The following TTF1 variants were observed in gnomAD, a reference collection of about 807,000 sequenced individuals.
TTF1 encodes the protein transcription termination factor 1, also known as transcription termination factor, RNA polymerase I.
In TTF1, 64 loss-of-function variants were observed where a neutral mutation model predicts 80.2. The observed-to-expected ratio is 0.80, with a 90% confidence interval of 0.65 to 0.98. TTF1 has a LOEUF of 0.98. TTF1 is among the 50% of genes least tolerant of loss of function. The pLI is 0.00. For missense variants in TTF1, 1,023 were observed against 1,086.2 expected, an observed-to-expected ratio of 0.94 and a Z score of 0.82; for synonymous variants, 372 against 382.7, an observed-to-expected ratio of 0.97 and a Z score of 0.33.
chr9:132,387,569 G>A (rs1849491479), intron 8 of TTF1, among the ~76,000 whole-genome samples: 1 of 152,204 alleles, frequency 6.6e-6, no homozygotes, highest in Admixed American at 6.5e-5. Flanking sequence ...CGGACAGCAA[G>A]GCCAGAACCC....
chr9:132,391,759 C>T (rs745856341), intron 6 of TTF1, among the ~76,000 whole-genome samples: 6 of 152,206 alleles, frequency 3.9e-5, no homozygotes, highest in Non-Finnish European at 7.3e-5. Context: ...CAACGTGTCC[C>T]GTGCCACTGC....
chr9:132,395,011 G>A (rs933003228), intron 5 of TTF1, among the ~76,000 whole-genome samples: 2 of 151,908 alleles, frequency 1.3e-5, no homozygotes, highest in African/African-American at 4.8e-5. Flanking sequence ...GACCAATATG[G>A]TGAAACCCCG....
chr9:132,403,425 C>G (rs1437468653), intron 1 of TTF1, among the ~76,000 whole-genome samples: 1 of 152,068 alleles, frequency 6.6e-6, no homozygotes, highest in Non-Finnish European at 1.5e-5. Flanking sequence ...GCGTTTAAGC[C>G]AAAAGCAGCT....
intron 10 of TTF1, among the ~76,000 whole-genome samples, chr9:132,378,072 GGT>G (rs745453397): frequency 1.0e-3 from 91 of 91,006 alleles, no homozygotes; most frequent in Non-Finnish European, 1.6e-3. Context: ...GAGTGCATGT[GGT>G]GTGTGTGAGT....
intron 10 of TTF1, among the ~76,000 whole-genome samples, chr9:132,377,947 GGT>G (rs1849259333): frequency 8.0e-6 from 1 of 124,664 alleles, no homozygotes; most frequent in African/African-American, 3.1e-5. Flanking sequence ...GAATGCATGT[GGT>G]GTGAGTGCAT....
At chr9:132,377,588 AGTGCATGTGGTGTGTG>A (rs1849233816) in intron 10 of TTF1, among the ~76,000 whole-genome samples, 2 of 19,230 alleles carry the variant, frequency 1.0e-4, no homozygotes, top group South Asian at 4.3e-3. Context: ...GGTGTGTGTG[AGTGCATGTGGTGTGTG>A]TGTGAATGCA....
At chr9:132,382,761 C>CAAAAAAAAAAAAAAA in intron 9 of TTF1, among the ~76,000 whole-genome samples, 1 of 136,938 alleles carries the variant, frequency 7.3e-6, no homozygotes, top group Non-Finnish European at 1.6e-5. Flanking sequence ...ACTAAAAATA[C>CAAAAAAAAAAAAAAA]AAAAAAAAAA....
At chr9:132,398,115 CA>C in intron 4 of TTF1, 25 bp downstream of exon 4, 3 of 1,545,480 alleles carry the variant, frequency 1.9e-6, no homozygotes, top group Non-Finnish European at 8.7e-7. Flanking sequence ...TGTGGATGGT[CA>C]AAGGGTGATT....
In TTF1 at chr9:132,402,268, T is replaced by C; in HGVS notation, c.554A>G (p.Asp185Gly). ...GTGGGATTCTGACTGAGGCAGGGTG[T>C]CCCTTGCCCGCTGGCTCTCCCAGGA... ...AASWESQRAR[D>G]TLPQSESHQE... The change falls in exon 2 of 11, where the codon GAC becomes GGC. Residue 185 changes from aspartate to glycine, a missense_variant. By Grantham distance (94) the Asp-to-Gly change is moderately conservative. Coordinates refer to ENST00000334270, the MANE Select transcript of TTF1 (RefSeq NM_007344.4). The C allele has an allele frequency of 6.2e-7, 1 of 1,614,102 alleles. No individual in the cohort carries two copies. The highest frequency in any genetic ancestry group is 8.5e-7 in the Non-Finnish European group (1 of 1,180,006).
chr9:132,396,602 A>G (rs1456169521), intron 4 of TTF1, 91 bp from the exon 5 acceptor site: 13 of 942,328 alleles, frequency 1.4e-5, no homozygotes, highest in African/African-American at 1.3e-4. Context: ...TAACAACATG[A>G]ACTATCCTAA....
At chr9:132,386,743 G>A (rs761023120) in intron 8 of TTF1, 122 bp from the exon 9 acceptor site, 7 of 739,520 alleles carry the variant, frequency 9.5e-6, no homozygotes, top group African/African-American at 3.5e-5. Context: ...CAGCTCCCTC[G>A]TTACACATGC....
In TTF1 at chr9:132,402,307, T is replaced by C. The variant is rs1367654298; in HGVS notation, c.515A>G (p.Gln172Arg). Residue 172 changes from glutamine (Q) to arginine (R), a missense_variant, in exon 2 of 11, where the codon CAG becomes CGG. By Grantham distance (43) the Gln-to-Arg change is conservative. Transcript: ENST00000334270. ...KVREKKNKKH[Q>R]RKAASWESQR... ...GCTCTCCCAGGATGCAGCTTTCCTC[T>C]GATGCTTTTTATTCTTTTTCTCCCT... 3.7e-6 allele frequency: 6 copies of C among 1,614,036 alleles called. 1 individual carries two copies. In the East Asian group the frequency reaches 6.7e-5, roughly 18 times the overall value.
chr9:132,403,868 A>G (rs1037015881), intron 1 of TTF1, among the ~76,000 whole-genome samples: 1 of 152,218 alleles, frequency 6.6e-6, no homozygotes, highest in African/African-American at 2.4e-5. Flanking sequence ...GAAGTTGGAT[A>G]TGCCTTGTTA....
intron 3 of TTF1, 105 bp from the exon 4 acceptor site, chr9:132,398,431 G>A (rs1242424607): frequency 8.5e-7 from 1 of 1,178,352 alleles, no homozygotes; most frequent in East Asian, 2.7e-5. Context: ...CGGCCCAACA[G>A]TCCCAACACC....
At chr9:132,381,726 A>G (rs1849375278) in intron 9 of TTF1, among the ~76,000 whole-genome samples, 1 of 152,132 alleles carries the variant, frequency 6.6e-6, no homozygotes. Flanking sequence ...CAGGGCCTGG[A>G]CTAAGAATTT....
chr9:132,387,872 G>C (rs951994340), intron 8 of TTF1, among the ~76,000 whole-genome samples: 15 of 152,198 alleles, frequency 9.9e-5, no homozygotes, highest in Non-Finnish European at 1.3e-4. Flanking sequence ...AAAATACACG[G>C]AGTATACAGT....
In TTF1 at chr9:132,381,254, C is replaced by T. The variant is rs146772757; in HGVS notation, c.2379-2110G>A. On this transcript the variant is annotated intron_variant, in intron 9 of 10. Coordinates refer to ENST00000334270, the MANE Select transcript of TTF1 (RefSeq NM_007344.4). ...TGTGGCCCAGGCTGGAGTGCAGTGA[C>T]GCAATCTCGGCTCACTGCAACCTCC... Among the ~76,000 whole-genome samples the T allele has an allele frequency of 8.1e-3, 1,223 of 151,194 alleles. 14 individuals carry two copies. The highest frequency in any genetic ancestry group is 0.028 in the African/African-American group (1,148 of 41,128).
chr9:132,377,806 GGTGT>G (rs1403470005), intron 10 of TTF1, among the ~76,000 whole-genome samples: 1 of 119,560 alleles, frequency 8.4e-6, no homozygotes, highest in Non-Finnish European at 1.7e-5. Flanking sequence ...GTGTGCATGT[GGTGT>G]GAGTGCATGT....
chr9:132,393,283 C>G (rs1040391638), intron 5 of TTF1, among the ~76,000 whole-genome samples: 1 of 138,990 alleles, frequency 7.2e-6, no homozygotes, highest in South Asian at 2.4e-4. Flanking sequence ...CCCCCGCAAA[C>G]TGGCCATAAA....
Sources: allele counts gnomAD v4.1 joint callset (sites outside exome capture counted in the v4.1 genomes callset), GRCh38; gene constraint gnomAD v4.1.1; transcripts MANE v1.5; gene names NCBI Gene and HGNC (gene_info 2026-07-23, HGNC 2026-07-21).